Variants in HECTD3 observed in about 807,000 individuals in gnomAD.
HECTD3 encodes E3 ubiquitin-protein ligase HECTD3.
A neutral mutation model predicts 109.3 loss-of-function variants in HECTD3; 72 were observed. That is an observed-to-expected ratio of 0.66 (90% confidence interval 0.54 to 0.80). The LOEUF (loss-of-function observed/expected upper bound fraction) is 0.80. Ranked by LOEUF, HECTD3 falls within the 30% of genes least tolerant of loss-of-function variation. The probability of loss-of-function intolerance (pLI) is 0.00; values close to 1 mark genes in which losing one functional copy is unlikely to be tolerated. For missense variants in HECTD3, 1,041 were observed against 1,165.2 expected (o/e 0.89, Z 1.55); for synonymous variants, 481 against 471.8 (o/e 1.02, Z -0.25).
chr1:45,009,814 G>A, intron 4 of HECTD3, 131 bp from the exon 5 acceptor site: 3 of 1,045,606 alleles, frequency 2.9e-6, no homozygotes, highest in African/African-American at 1.6e-5. Context: ...TGGGATAGGG[G>A]GCCGCTGGGT....
In HECTD3 at chr1:45,009,398, C is replaced by T. The variant is rs764867617; in HGVS notation, c.960G>A (p.Leu320=). 4 of 1,613,994 alleles carry T rather than the reference C, an allele frequency of 2.5e-6. No individual in the cohort carries two copies. The highest frequency in any genetic ancestry group is 4.5e-5 in the East Asian group (2 of 44,882). Residue 320 remains leucine (L), a synonymous_variant, in exon 6 of 21, where the codon CTG becomes CTA. Coordinates refer to ENST00000372172, the MANE Select transcript of HECTD3 (RefSeq NM_024602.6). ...VVVYGGEGDN[L]KKLSDVSIDE... is the part of the protein sequence containing the mutation. ...CAATGCTCACGTCACTCAGCTTCTT[C>T]AGGTTGTCCCCTTCACCCCCATAGA...
chr1:45,003,455 C>G lies in HECTD3; in HGVS notation c.*37G>C. On this transcript the variant is annotated 3_prime_UTR_variant, in exon 21 of 21. Coordinates refer to ENST00000372172, the MANE Select transcript of HECTD3 (RefSeq NM_024602.6). The surrounding 1 kb of genome is among the most constrained non-coding windows in gnomAD (Gnocchi z 4.7). ...GCCCTGGGCAAGGCCAAGAGGGACA[C>G]GTGCAGTCTTGCTGGTCCCACAGCC... 1 of 1,583,452 alleles carries G rather than the reference C, an allele frequency of 6.3e-7. No individual in the cohort carries two copies. The highest frequency in any genetic ancestry group is 8.7e-7 in the Non-Finnish European group (1 of 1,152,464).
At position 45,006,003 on chromosome 1, in the gene HECTD3, C is replaced by T. The variant is rs756210355; in HGVS notation, c.1839G>A (p.Glu613=). The part of the protein sequence containing the change: ...QLMGAALRGK[E]FLVLALPGFV... ...TGTGGATAAGGCTACTCACCAGGAA[C>T]TCCTTACCCCGAAGGGCAGCCCCCA... Residue 613 remains glutamate (E), a synonymous_variant, in exon 14 of 21, where the codon GAG becomes GAA. Transcript: ENST00000372172. The surrounding 1 kb of genome is among the most constrained non-coding windows in gnomAD (Gnocchi z 4.7). 1 of 1,614,052 alleles carries T rather than the reference C, an allele frequency of 6.2e-7. No individual in the cohort carries two copies. The highest frequency in any genetic ancestry group is 8.5e-7 in the Non-Finnish European group (1 of 1,179,952).
At chr1:45,004,858 CCT>C in intron 15 of HECTD3, 52 bp from the exon 16 acceptor site, 1 of 1,507,560 alleles carries the variant, frequency 6.6e-7, no homozygotes, top group Non-Finnish European at 9.2e-7. Context: ...GGAGATAGTC[CCT>C]GTCTTTCCAC....
At chr1:45,004,562 G>T in intron 16 of HECTD3, 38 bp downstream of exon 16, 2 of 1,609,762 alleles carry the variant, frequency 1.2e-6, no homozygotes, top group Non-Finnish European at 1.7e-6. Flanking sequence ...GCTCAGGAGG[G>T]GCCAAAGCTC....
chr1:45,004,729 G>A lies in HECTD3; in HGVS notation c.2013C>T (p.Thr671=). ...EFKFGKELTF[T]TVLSDQQVVE... is the part of the protein sequence containing the mutation. ...CCACCTGTTGGTCACTCAGTACAGT[G>A]GTGAATGTTAGTTCCTTCCCAAACT... Residue 671 remains threonine (T), a synonymous_variant, in exon 16 of 21, where the codon ACC becomes ACT. Coordinates refer to ENST00000372172, the MANE Select transcript of HECTD3 (RefSeq NM_024602.6). The A allele has an allele frequency of 1.2e-6, 2 of 1,614,158 alleles. No individual in the cohort carries two copies. The highest frequency in any genetic ancestry group is 1.1e-5 in the South Asian group (1 of 91,086).
chr1:45,004,829 G>A (rs757638428), intron 15 of HECTD3, 23 bp from the exon 16 acceptor site: 2 of 1,603,384 alleles, frequency 1.2e-6, no homozygotes, highest in Non-Finnish European at 1.7e-6. Context: ...GAGAGGCAGG[G>A]AGGTAACCTT....
In HECTD3 at chr1:45,011,171, G is replaced by T; in HGVS notation, c.87C>A (p.Ser29Arg). 1 of 1,491,116 alleles carries T rather than the reference G, an allele frequency of 6.7e-7. No individual in the cohort carries two copies. The highest frequency in any genetic ancestry group is 1.3e-5 in the South Asian group (1 of 79,178). 92.4% of individuals were successfully genotyped at this position (1,491,116 alleles called of 1,614,324 possible). A position where few individuals can be genotyped will look rare whatever the true frequency, so the allele number is the denominator to read the frequency against. The change falls in exon 1 of 21, where the codon AGC (serine) becomes AGA (arginine). Residue 29 changes from serine (S) to arginine (R), a missense_variant. Physicochemically the swap from Ser to Arg is moderately radical, Grantham distance 110. This residue lies in a region of HECTD3 where 472 missense variants were observed against 449.9 expected (regional missense o/e 1.05). Transcript: ENST00000372172. ...RVRFLAEAAR[S>R]LRAGRPLPAA... ...CTGGCAGCGGCCGCCCGGCGCGGAG[G>T]CTCCGCGCTGCCTCTGCCAAGAAGC...
At chr1:45,005,573 G>C (rs557999073) in intron 15 of HECTD3, 3 of 426,460 alleles carry the variant, frequency 7.0e-6, no homozygotes, top group Non-Finnish European at 1.2e-5. Flanking sequence ...GGCAAACGTC[G>C]AGGGTACAGA....
At chr1:45,007,682 A>G in intron 9 of HECTD3, 87 bp from the exon 10 acceptor site, 1 of 1,116,246 alleles carries the variant, frequency 9.0e-7, no homozygotes, top group Non-Finnish European at 1.3e-6. Context: ...CCTGTATCCA[A>G]TTCCACCGTT....
chr1:45,005,091 T>C (rs1276623852), intron 15 of HECTD3: 3 of 511,456 alleles, frequency 5.9e-6, no homozygotes, highest in African/African-American at 5.8e-5. Flanking sequence ...TGGAGAAAGC[T>C]GGAAAGAGCA....
chr1:45,008,734 A>G (rs1166783684), intron 7 of HECTD3, 33 bp from the exon 8 acceptor site: 1 of 1,597,486 alleles, frequency 6.3e-7, no homozygotes, highest in Admixed American at 1.7e-5. Context: ...GGTCATTTAC[A>G]GCACCTGCTG....
chr1:45,008,396 A>G (rs1487694176), intron 8 of HECTD3, 75 bp from the exon 9 acceptor site: 7 of 1,506,108 alleles, frequency 4.6e-6, no homozygotes, highest in Non-Finnish European at 6.5e-6. Flanking sequence ...ACATAAAGGG[A>G]CAGGAAAAGG....
Position 45,003,869 on chromosome 1 carries a change from G to T in HECTD3, c.2415C>A (p.Tyr805Ter). ...RSRLPARIYIYPDKLGYETTD... is the reference protein window; with the variant it reads ...RSRLPARIYI Reference sequence around the variant, plus strand: ...CCAGCACTCACCCCAGCTTGTCTGGGTAGATGTAGATCCGTGCTGGCAGGC... The same window carrying T: ...CCAGCACTCACCCCAGCTTGTCTGGTTAGATGTAGATCCGTGCTGGCAGGC... The change falls in exon 19 of 21, where the codon TAC becomes TAA. Residue 805 changes from tyrosine to a stop codon, truncating the protein, a stop_gained. Transcript: ENST00000372172. LOFTEE classifies it high-confidence loss of function. The surrounding 1 kb of genome is among the most constrained non-coding windows in gnomAD (Gnocchi z 4.7). The T allele has an allele frequency of 6.2e-7, 1 of 1,613,522 alleles. No individual in the cohort carries two copies. Among genetic ancestry groups the T allele is most frequent in the Non-Finnish European group, 8.5e-7 (1 of 1,179,670 alleles).
At position 45,010,072 on chromosome 1, in the gene HECTD3, A is replaced by C. The variant is rs967555098; in HGVS notation, c.673T>G (p.Phe225Val). 5 of 1,581,238 alleles carry C rather than the reference A, an allele frequency of 3.2e-6. No homozygotes were observed. Among genetic ancestry groups the C allele is most frequent in the Admixed American group, 1.7e-5 (1 of 58,602 alleles). The change falls in exon 4 of 21, where the codon TTC (phenylalanine) becomes GTC (valine). Residue 225 changes from phenylalanine (F) to valine (V), a missense_variant. By Grantham distance (50) the Phe-to-Val change is conservative. Around this residue, in one of 2 missense-constraint regions of HECTD3, gnomAD observed 472 missense variants for 449.9 expected, o/e 1.05. Coordinates refer to ENST00000372172, the MANE Select transcript of HECTD3 (RefSeq NM_024602.6). ...TCCTTGCCCAGGTGGTCATACAAGA[A>C]GTGGATCAGGTCCTCGTCGCACTCG... ...TYECDEDLIHFLYDHLGKEDE... is the reference protein window; with the variant it reads ...TYECDEDLIHVLYDHLGKEDE...
In HECTD3 at chr1:45,003,398, G is replaced by T; in HGVS notation, c.*94C>A. The T allele has an allele frequency of 8.8e-7, 1 of 1,132,966 alleles. No homozygotes were observed. 70.2% of individuals were successfully genotyped at this position (1,132,966 alleles called of 1,614,324 possible). On this transcript the variant is annotated 3_prime_UTR_variant, in exon 21 of 21. Transcript: ENST00000372172. The surrounding 1 kb of genome is among the most constrained non-coding windows in gnomAD (Gnocchi z 4.7). ...GGGCACATGGGGTTTTGCTGAGCAC[G>T]TCAGCCAAACCAGGGCAGGGAAGGT...
Position 45,003,024 on chromosome 1 carries a change from CACTCCCT to C in HECTD3, c.*461_*467del. On this transcript the variant is annotated 3_prime_UTR_variant, in exon 21 of 21. Coordinates refer to ENST00000372172, the MANE Select transcript of HECTD3 (RefSeq NM_024602.6). The surrounding 1 kb of genome is among the most constrained non-coding windows in gnomAD (Gnocchi z 4.7). ...GCAGGTGACCAAGGAGTTTGGCTAT[CACTCCCT>C]GCCCATCCCAGGCTCCCTGCTTGGG... The C allele has an allele frequency of 5.9e-6, 1 of 168,504 alleles. No homozygotes were observed. Among genetic ancestry groups the C allele is most frequent in the Admixed American group, 5.5e-5 (1 of 18,272 alleles). 10.4% of individuals were successfully genotyped at this position (168,504 alleles called of 1,614,324 possible). A position where few individuals can be genotyped will look rare whatever the true frequency, so the allele number is the denominator to read the frequency against.
intron 15 of HECTD3, chr1:45,005,581 A>G: frequency 2.2e-6 from 1 of 463,386 alleles, no homozygotes; most frequent in East Asian, 3.2e-5. Flanking sequence ...TCGAGGGTAC[A>G]GATACATATA....
chr1:45,010,173 C>T (rs367815747), intron 3 of HECTD3, 28 bp downstream of exon 3: 5 of 1,613,992 alleles, frequency 3.1e-6, no homozygotes, highest in East Asian at 2.2e-5. Context: ...AGAGCTCCTT[C>T]CTCCCCACCC....
Sources: gnomAD v4.1 joint callset for allele counts on GRCh38, gnomAD v4.1.1 for gene constraint, gnomAD v4.1.1 regional missense constraint, Gnocchi (gnomAD v3.1) non-coding constraint, MANE v1.5 for transcripts, NCBI Gene and HGNC (gene_info 2026-07-23, HGNC 2026-07-21) for gene names.